The following PARD3B variants were observed in gnomAD, a reference collection of about 807,000 sequenced individuals.
PARD3B encodes par-3 family cell polarity regulator beta, also known as partitioning defective 3 homolog B.
PARD3B carries 103 observed loss-of-function variants against 130.2 expected under a neutral mutation model. The observed-to-expected ratio is 0.79, with a 90% CI of 0.67 to 0.93. The LOEUF (loss-of-function observed/expected upper bound fraction) is 0.93. Ranked by LOEUF, PARD3B falls within the 40% of genes least tolerant of loss-of-function variation. The pLI, the probability that PARD3B is intolerant of heterozygous loss-of-function variation, is 0.00. For missense variants in PARD3B, 1,609 were observed against 1,499.2 expected (o/e 1.07, Z -1.21); for synonymous variants, 583 against 553.2 (o/e 1.05, Z -0.76).
intron 2 of PARD3B, among the ~76,000 whole-genome samples, chr2:204,728,907 C>T (rs953906586): frequency 1.3e-5 from 2 of 152,114 alleles, no homozygotes; most frequent in African/African-American, 4.8e-5. Context: ...CCTCAGAACC[C>T]AGGAGGAGCC....
intron 1 of PARD3B, among the ~76,000 whole-genome samples, chr2:204,556,465 A>C (rs2030928236): frequency 6.6e-6 from 1 of 152,216 alleles, no homozygotes; most frequent in Non-Finnish European, 1.5e-5. Context: ...GTTTGCAGGG[A>C]TACAATATAG....
intron 16 of PARD3B, among the ~76,000 whole-genome samples, chr2:205,246,755 A>G (rs2039590253): frequency 6.6e-6 from 1 of 152,152 alleles, no homozygotes. Context: ...GGGCAAGATT[A>G]TGATTTTTTT....
chr2:205,219,526 T>C (rs1318520486), intron 15 of PARD3B, among the ~76,000 whole-genome samples: 3 of 152,192 alleles, frequency 2.0e-5, no homozygotes, highest in Admixed American at 6.5e-5. Context: ...TGGGCAGAAA[T>C]ATAGACAGTA....
chr2:205,451,970 G>A (rs984997253), intron 20 of PARD3B, among the ~76,000 whole-genome samples: 2 of 151,858 alleles, frequency 1.3e-5, no homozygotes, highest in Admixed American at 1.3e-4. Context: ...CCCTTCCACC[G>A]CTCTGTCTAA....
intron 21 of PARD3B, among the ~76,000 whole-genome samples, chr2:205,536,124 G>T (rs539913491): frequency 6.6e-6 from 1 of 152,280 alleles, no homozygotes; most frequent in African/African-American, 2.4e-5. Context: ...ATGGCAGGGA[G>T]TGGGGTCCTT....
In PARD3B at chr2:204,812,028, A is replaced by G. The variant is rs540516211; in HGVS notation, c.222+125746A>G. ...TCTGAATGTTTCTGTGAGATTTTTA[A>G]TAATTTTTCTCCCATGCACCCTTCC... On this transcript the variant is annotated intron_variant, in intron 2 of 22. Transcript: ENST00000406610. Among the ~76,000 whole-genome samples the G allele has an allele frequency of 2.6e-5, 4 of 152,236 alleles. 1 individual carries two copies. The highest frequency in any genetic ancestry group is 3.9e-4 in the East Asian group (2 of 5,174).
chr2:205,609,415 A>G (rs2055145686), intron 22 of PARD3B, among the ~76,000 whole-genome samples: 1 of 152,186 alleles, frequency 6.6e-6, no homozygotes, highest in Non-Finnish European at 1.5e-5. Flanking sequence ...CCAGATGTCG[A>G]CTTTCTGCCA....
rs1419751072 is a variant in PARD3B at position 204,641,946 on chromosome 2, CT to C, written c.121-44233del. Among the ~76,000 whole-genome samples, 3 of 152,190 alleles carry C rather than the reference CT, an allele frequency of 2.0e-5. No individual in the cohort carries two copies. In the South Asian group the frequency reaches 6.2e-4, roughly 32 times the overall value. On this transcript the variant is annotated intron_variant, in intron 1 of 22. Transcript: ENST00000406610. ...AAATCAAAAGGAATATTAAAAAAGC[CT>C]TATGTTATTCTATTTAGAAATATTG... is the stretch of plus-strand genomic sequence containing the variant.
At chr2:205,179,725 C>G (rs544900712) in intron 13 of PARD3B, among the ~76,000 whole-genome samples, 1 of 152,138 alleles carries the variant, frequency 6.6e-6, no homozygotes, top group Non-Finnish European at 1.5e-5. Context: ...CCTTAAGTGA[C>G]ACAAGATGTA....
chr2:204,629,190 CAAT>C (rs1043951852), intron 1 of PARD3B, among the ~76,000 whole-genome samples: 11 of 152,136 alleles, frequency 7.2e-5, no homozygotes, highest in Non-Finnish European at 1.6e-4. Flanking sequence ...GAAAAGAATA[CAAT>C]GATTTTGAAA....
In PARD3B at chr2:205,528,366, T is replaced by C. The variant is rs1268423441; in HGVS notation, c.3181-24958T>C. 1.3e-5 allele frequency among the ~76,000 whole-genome samples: 2 copies of C among 152,196 alleles called. 1 individual carries two copies. Among genetic ancestry groups the C allele is most frequent in the Admixed American group, 1.3e-4 (2 of 15,274 alleles). On this transcript the variant is annotated intron_variant, in intron 21 of 22. Transcript: ENST00000406610. ...GCTGCCCCTCAACAAATGTTTGAATTCTTGATGGCCCAGATGGGTAACTGA... is the reference window on the plus strand; with the variant it reads ...GCTGCCCCTCAACAAATGTTTGAATCCTTGATGGCCCAGATGGGTAACTGA...
intron 18 of PARD3B, among the ~76,000 whole-genome samples, chr2:205,394,858 T>C (rs79042251): frequency 0.032 from 4,836 of 151,874 alleles, 239 homozygotes; most frequent in African/African-American, 0.11. Context: ...GAGTGGGGAG[T>C]TACTATATGT....
intron 4 of PARD3B, among the ~76,000 whole-genome samples, chr2:205,066,430 A>C (rs1405078147): frequency 6.6e-6 from 1 of 152,206 alleles, no homozygotes; most frequent in East Asian, 1.9e-4. Flanking sequence ...TCTAAACCAC[A>C]GATAATTCTT....
Position 205,041,252 on chromosome 2 carries a change from C to G in PARD3B, c.395-6329C>G, listed in dbSNP as rs949868257. 2.0e-5 allele frequency among the ~76,000 whole-genome samples: 3 copies of G among 152,224 alleles called. No individual in the cohort carries two copies. The East Asian group carries it at 5.8e-4, about 29-fold the overall frequency. ...ATGCCCACCCTATTGAAAATCTAGTCTTTGGTTTCTCACGCATATCAAGAC... is the reference window on the plus strand; with the variant it reads ...ATGCCCACCCTATTGAAAATCTAGTGTTTGGTTTCTCACGCATATCAAGAC... On this transcript the variant is annotated intron_variant, in intron 3 of 22. Coordinates refer to ENST00000406610, the MANE Select transcript of PARD3B (RefSeq NM_001302769.2).
At chr2:204,986,777 G>A (rs530632016) in intron 3 of PARD3B, among the ~76,000 whole-genome samples, 1 of 152,242 alleles carries the variant, frequency 6.6e-6, no homozygotes, top group South Asian at 2.1e-4. Context: ...GACGCTTGAT[G>A]GACAGCATTC....
rs572731937 is a variant in PARD3B, at chr2:205,615,059, G to C, written c.3261-397G>C. Among the ~76,000 whole-genome samples the C allele has an allele frequency of 5.9e-5, 9 of 152,294 alleles. No homozygotes were observed. In the South Asian group the frequency reaches 1.9e-3, roughly 32 times the overall value. On this transcript the variant is annotated intron_variant, in intron 22 of 22. Transcript: ENST00000406610. ...ACTCACTGCCTTGTTTAGGAAACTAGTTTGGTTACTATAATAAAGGCCAAC... is the reference window on the plus strand; with the variant it reads ...ACTCACTGCCTTGTTTAGGAAACTACTTTGGTTACTATAATAAAGGCCAAC...
chr2:205,461,599 T>C lies in PARD3B; in HGVS notation c.3044+20927T>C, dbSNP rs940704317. Among the ~76,000 whole-genome samples, 1 of 152,230 alleles carries C rather than the reference T, an allele frequency of 6.6e-6. No individual in the cohort carries two copies. The highest frequency in any genetic ancestry group is 1.5e-5 in the Non-Finnish European group (1 of 68,032). On this transcript the variant is annotated intron_variant, in intron 20 of 22. Coordinates refer to ENST00000406610, the MANE Select transcript of PARD3B (RefSeq NM_001302769.2). The surrounding 1 kb of genome is among the most constrained non-coding windows in gnomAD (Gnocchi z 4.3). The stretch of plus-strand genomic sequence containing the variant: ...ATTTTCAGGGCTATGAGGTGCCTTA[T>C]TAATGTGATAAATGTTTGCTCCTTG...
rs1166591836 is a variant in PARD3B at position 205,263,460 on chromosome 2, T to C, written c.2185+17638T>C. Among the ~76,000 whole-genome samples, 1 of 151,198 alleles carries C rather than the reference T, an allele frequency of 6.6e-6. No homozygotes were observed. On this transcript the variant is annotated intron_variant, in intron 16 of 22. Coordinates refer to ENST00000406610, the MANE Select transcript of PARD3B (RefSeq NM_001302769.2). The surrounding 1 kb of genome is among the most constrained non-coding windows in gnomAD (Gnocchi z 4.0). Reference sequence around the variant, plus strand: ...ACAGAATGAACATTTTAAAGTAAAATTCTGTCATTTCACTTCTTATAAACC... The same window carrying C: ...ACAGAATGAACATTTTAAAGTAAAACTCTGTCATTTCACTTCTTATAAACC...
At chr2:204,876,634 A>C (rs1423190182) in intron 2 of PARD3B, among the ~76,000 whole-genome samples, 1 of 152,150 alleles carries the variant, frequency 6.6e-6, no homozygotes, top group Non-Finnish European at 1.5e-5. Flanking sequence ...GAGTTGCTCC[A>C]TCACGTTCAT....
Sources: gnomAD v4.1 joint callset for allele counts (sites outside exome capture counted in the v4.1 genomes callset) on GRCh38, gnomAD v4.1.1 for gene constraint, Gnocchi (gnomAD v3.1) non-coding constraint, MANE v1.5 for transcripts, NCBI Gene and HGNC (gene_info 2026-07-23, HGNC 2026-07-21) for gene names.